DLG2: variants seen among roughly 807,000 people sequenced by gnomAD.
DLG2 encodes the protein disks large homolog 2.
In DLG2, 45 loss-of-function variants were observed where a neutral mutation model predicts 132.5. The observed-to-expected ratio is 0.34, with a 90% confidence interval of 0.27 to 0.44. The LOEUF (loss-of-function observed/expected upper bound fraction) is 0.44, where lower values mean the gene tolerates loss of function less well. Ranked by LOEUF, DLG2 falls within the 20% of genes least tolerant of loss-of-function variation. The pLI is 1.00. For missense variants in DLG2, 1,045 were observed against 1,196.9 expected (o/e 0.87, Z 1.87); for synonymous variants, 424 against 419.6 (o/e 1.01, Z -0.13).
intron 7 of DLG2, among the ~76,000 whole-genome samples, chr11:84,302,360 A>G (rs1023776699): frequency 6.6e-6 from 1 of 152,166 alleles, no homozygotes; most frequent in Non-Finnish European, 1.5e-5. Flanking sequence ...TGATGTCAAC[A>G]AGAAAAATAT....
Position 83,459,485 on chromosome 11 carries a change from G to C in DLG2, c.*333C>G. 1 of 184,510 alleles carries C rather than the reference G, an allele frequency of 5.4e-6. No homozygotes were observed. The highest frequency in any genetic ancestry group is 1.1e-5 in the Non-Finnish European group (1 of 88,754). The allele number at this position is 184,510 out of a possible 1,614,324, so 11.4% of individuals were successfully genotyped here. A position where few individuals can be genotyped will look rare whatever the true frequency, so the allele number is the denominator to read the frequency against. ...TTCTTTAAAGCAAAAGACACAGAGAGCTCTGCAGCTAAATCAGCTCTGGAC... is the reference window on the plus strand; with the variant it reads ...TTCTTTAAAGCAAAAGACACAGAGACCTCTGCAGCTAAATCAGCTCTGGAC... On this transcript the variant is annotated 3_prime_UTR_variant, in exon 28 of 28. Coordinates refer to ENST00000376104, the MANE Select transcript of DLG2 (RefSeq NM_001142699.3).
At chr11:84,526,919 C>T (rs2099322638) in intron 7 of DLG2, among the ~76,000 whole-genome samples, 1 of 151,986 alleles carries the variant, frequency 6.6e-6, no homozygotes, top group East Asian at 1.9e-4. Context: ...GCTGGGACTA[C>T]AGGCATCCGC....
intron 3 of DLG2, among the ~76,000 whole-genome samples, chr11:85,506,483 C>T (rs2093936629): frequency 1.3e-5 from 2 of 152,194 alleles, no homozygotes; most frequent in South Asian, 2.1e-4. Flanking sequence ...ACCCAGTAAT[C>T]ATTCAGGAGC....
At chr11:84,329,184 T>C (rs1378868286) in intron 7 of DLG2, among the ~76,000 whole-genome samples, 1 of 152,216 alleles carries the variant, frequency 6.6e-6, no homozygotes, top group Non-Finnish European at 1.5e-5. Flanking sequence ...AACTATCCTT[T>C]ATTTGTAAAC....
intron 6 of DLG2, among the ~76,000 whole-genome samples, chr11:84,960,929 T>TTTATC (rs1303680188): frequency 1.3e-5 from 2 of 152,138 alleles, no homozygotes; most frequent in Admixed American, 6.5e-5. Context: ...TCTGGGCTGA[T>TTTATC]AAATACAGTC....
chr11:84,337,694 A>C (rs74323777), intron 7 of DLG2, among the ~76,000 whole-genome samples: 105 of 152,286 alleles, frequency 6.9e-4, no homozygotes, highest in South Asian at 1.7e-3. Context: ...TCTTAAACTT[A>C]CATATTCCTT....
At chr11:84,512,722 A>G (rs779452460) in intron 7 of DLG2, among the ~76,000 whole-genome samples, 2 of 152,098 alleles carry the variant, frequency 1.3e-5, no homozygotes, top group African/African-American at 4.8e-5. Context: ...ATAATATAGC[A>G]AAGTGCTGAG....
At chr11:85,007,857 C>T (rs1351675908) in intron 6 of DLG2, among the ~76,000 whole-genome samples, 1 of 151,980 alleles carries the variant, frequency 6.6e-6, no homozygotes, top group African/African-American at 2.4e-5. Flanking sequence ...TCTCCTAATT[C>T]CTCAATGAAA....
chr11:83,496,664 A>G (rs2094163991), intron 21 of DLG2, among the ~76,000 whole-genome samples: 1 of 152,216 alleles, frequency 6.6e-6, no homozygotes, highest in Admixed American at 6.5e-5. Flanking sequence ...CCATAAAAGC[A>G]TTATAGAAGG....
At position 83,532,714 on chromosome 11, in the gene DLG2, C is replaced by T. The variant is rs369253300; in HGVS notation, c.2187G>A (p.Ser729=). 158 of 1,612,978 alleles carry T rather than the reference C, an allele frequency of 9.8e-5. No individual in the cohort carries two copies. Among genetic ancestry groups the T allele is most frequent in the African/African-American group, 1.7e-4 (13 of 74,872 alleles). Residue 729 remains serine (S), a synonymous_variant, in exon 21 of 28, where the codon TCG becomes TCA. Transcript: ENST00000376104. ...KFNAKPGVID[S]KGSFNDKRKK... ...TCCATCATTTTGTACCTACCCCTTTCGAATCAATCACTCCAGGTTTGGCAT... is the reference window on the plus strand; with the variant it reads ...TCCATCATTTTGTACCTACCCCTTTTGAATCAATCACTCCAGGTTTGGCAT...
At chr11:84,442,142 C>A (rs1252544338) in intron 7 of DLG2, among the ~76,000 whole-genome samples, 1 of 151,942 alleles carries the variant, frequency 6.6e-6, no homozygotes, top group Non-Finnish European at 1.5e-5. Flanking sequence ...TAGTTTTTTT[C>A]TGATTCTGTG....
chr11:85,343,557 A>C (rs1198704984), intron 3 of DLG2, among the ~76,000 whole-genome samples: 18 of 152,156 alleles, frequency 1.2e-4, no homozygotes, highest in Admixed American at 1.2e-3. Flanking sequence ...AGTTACCAGC[A>C]AGCCTTGGCA....
intron 5 of DLG2, among the ~76,000 whole-genome samples, chr11:85,120,850 G>T (rs1279166387): frequency 6.6e-6 from 1 of 151,966 alleles, no homozygotes; most frequent in Non-Finnish European, 1.5e-5. Context: ...CTACATTGCT[G>T]CTTGGTAAAG....
chr11:83,626,274 A>C (rs752761429), intron 19 of DLG2, among the ~76,000 whole-genome samples: 1 of 152,208 alleles, frequency 6.6e-6, no homozygotes, highest in Admixed American at 6.5e-5. Flanking sequence ...TGCAAGGCAC[A>C]TAACACATGG....
chr11:83,540,972 G>A (rs2096051964), intron 20 of DLG2, among the ~76,000 whole-genome samples: 2 of 152,108 alleles, frequency 1.3e-5, no homozygotes, highest in African/African-American at 4.8e-5. Flanking sequence ...GGAGTTGGCT[G>A]TTCTGAAGCA....
chr11:84,283,249 T>A (rs185611456), intron 7 of DLG2, among the ~76,000 whole-genome samples: 139 of 152,322 alleles, frequency 9.1e-4, no homozygotes, highest in Admixed American at 9.0e-3. Context: ...ATTCGTAATA[T>A]ACAGATAGAG....
chr11:83,485,133 A>ATGAC (rs1409971589), intron 21 of DLG2, among the ~76,000 whole-genome samples: 13 of 152,312 alleles, frequency 8.5e-5, no homozygotes, highest in African/African-American at 2.9e-4. Context: ...AAAAGTAAGA[A>ATGAC]TGACTGTCTT....
intron 3 of DLG2, among the ~76,000 whole-genome samples, chr11:85,323,627 T>C (rs546089): frequency 0.83 from 126,355 of 152,170 alleles, 52,809 homozygotes; most frequent in Middle Eastern, 0.9. Flanking sequence ...TTTTTCTACA[T>C]ATTAACCAAC....
chr11:84,377,196 A>G lies in DLG2; in HGVS notation c.520-125905T>C, dbSNP rs532168792. Among the ~76,000 whole-genome samples the G allele has an allele frequency of 2.6e-5, 4 of 152,228 alleles. 1 individual carries two copies. The highest frequency in any genetic ancestry group is 9.6e-5 in the African/African-American group (4 of 41,582). ...AGGCTTTATACTTATTTTTTAGTTT[A>G]TAGAAAATATGAAGAATAGAAAAAC... is the stretch of plus-strand genomic sequence containing the variant. On this transcript the variant is annotated intron_variant, in intron 7 of 27. Coordinates refer to ENST00000376104, the MANE Select transcript of DLG2 (RefSeq NM_001142699.3).
Sources: allele counts gnomAD v4.1 joint callset (sites outside exome capture counted in the v4.1 genomes callset), GRCh38; gene constraint gnomAD v4.1.1; transcripts MANE v1.5; gene names NCBI Gene and HGNC (gene_info 2026-07-23, HGNC 2026-07-21).